Variants in ZNF385D observed in about 807,000 individuals in gnomAD.
ZNF385D encodes the protein zinc finger protein 385D.
ZNF385D carries 15 observed loss-of-function variants against 35.8 expected under a neutral mutation model. The ratio of observed to expected loss-of-function variants is 0.42; its 90% CI spans 0.28 to 0.64. The LOEUF is 0.64. Among genes scored for constraint, ZNF385D ranks in the 30% least tolerant of loss-of-function variants. The pLI is 0.23. For missense variants in ZNF385D, 474 were observed against 494.6 expected (o/e 0.96, Z 0.39); for synonymous variants, 212 against 186.8 (o/e 1.13, Z -1.10).
chr3:21,720,320 G>A (rs1193100526), intron 1 of ZNF385D, among the ~76,000 whole-genome samples: 2 of 152,180 alleles, frequency 1.3e-5, no homozygotes, highest in African/African-American at 2.4e-5. Flanking sequence ...TTGGGAGGCT[G>A]AGGCAGGAGG....
At chr3:21,822,684 G>A (rs879339006) in intron 3 of ZNF385D, among the ~76,000 whole-genome samples, 3 of 152,096 alleles carry the variant, frequency 2.0e-5, no homozygotes, top group East Asian at 1.9e-4. Flanking sequence ...GAAGCCAAAT[G>A]CATAGTTACA....
intron 2 of ZNF385D, among the ~76,000 whole-genome samples, chr3:22,315,023 C>T (rs1397331652): frequency 3.9e-5 from 6 of 152,180 alleles, no homozygotes; most frequent in Admixed American, 3.9e-4. Flanking sequence ...GCAAAGCACT[C>T]ATGATGAAGG....
chr3:21,900,628 A>G (rs1699356715), intron 3 of ZNF385D, among the ~76,000 whole-genome samples: 2 of 152,300 alleles, frequency 1.3e-5, no homozygotes, highest in South Asian at 4.1e-4. Context: ...TTCAGAGAAG[A>G]CAGACTATAG....
chr3:22,331,167 C>T (rs191761103), intron 2 of ZNF385D, among the ~76,000 whole-genome samples: 2 of 152,158 alleles, frequency 1.3e-5, no homozygotes, highest in Non-Finnish European at 2.9e-5. Flanking sequence ...ACAAATACTT[C>T]AATTCCTTTA....
At chr3:21,829,997 G>A (rs1489924862) in intron 3 of ZNF385D, among the ~76,000 whole-genome samples, 2 of 151,954 alleles carry the variant, frequency 1.3e-5, no homozygotes, top group South Asian at 2.1e-4. Flanking sequence ...GATGGCAGGC[G>A]CCTTTAATCC....
chr3:21,612,414 A>C (rs566960789), intron 2 of ZNF385D, among the ~76,000 whole-genome samples: 33 of 152,212 alleles, frequency 2.2e-4, no homozygotes, highest in African/African-American at 7.9e-4. Flanking sequence ...GTCATTATTA[A>C]CTATTCTCAG....
chr3:21,538,163 C>T (rs162414), intron 3 of ZNF385D, among the ~76,000 whole-genome samples: 29,719 of 151,694 alleles, frequency 0.2, 3,192 homozygotes, highest in African/African-American at 0.27. Flanking sequence ...TGAGATGCGG[C>T]CTTTGGTTTT....
upstream of ZNF385D, among the ~76,000 whole-genome samples, chr3:21,755,455 T>G (rs2070298523): frequency 6.6e-6 from 1 of 152,220 alleles, no homozygotes; most frequent in South Asian, 2.1e-4. Context: ...ACCTAAAGTA[T>G]GGCTATAATT....
intron 3 of ZNF385D, among the ~76,000 whole-genome samples, chr3:21,801,401 A>C (rs1024633418): frequency 5.3e-5 from 8 of 152,292 alleles, no homozygotes; most frequent in Non-Finnish European, 1.0e-4. Flanking sequence ...ATAAGTGTTA[A>C]TTATTCTTTT....
intron 3 of ZNF385D, among the ~76,000 whole-genome samples, chr3:22,164,965 C>T (rs375751731): frequency 6.6e-6 from 1 of 152,020 alleles, no homozygotes; most frequent in Non-Finnish European, 1.5e-5. Flanking sequence ...CTGAAAAAGT[C>T]AAAACCATGG....
chr3:21,462,403 T>C (rs1703233784), intron 4 of ZNF385D, among the ~76,000 whole-genome samples: 1 of 152,110 alleles, frequency 6.6e-6, no homozygotes, highest in Non-Finnish European at 1.5e-5. Context: ...CTGGCATAAA[T>C]GATGTTACTT....
At chr3:21,557,342 A>G (rs1308517058) in intron 3 of ZNF385D, among the ~76,000 whole-genome samples, 1 of 152,204 alleles carries the variant, frequency 6.6e-6, no homozygotes, top group East Asian at 1.9e-4. Flanking sequence ...GGTTCCGTCA[A>G]TACCTAATTT....
chr3:21,701,611 C>T (rs560563393), intron 1 of ZNF385D, among the ~76,000 whole-genome samples: 2 of 152,278 alleles, frequency 1.3e-5, no homozygotes, highest in African/African-American at 4.8e-5. Flanking sequence ...CAGCATTAAC[C>T]TAAAAGTCCA....
chr3:22,036,527 A>T (rs1275940195), intron 3 of ZNF385D, among the ~76,000 whole-genome samples: 1 of 152,158 alleles, frequency 6.6e-6, no homozygotes, highest in Non-Finnish European at 1.5e-5. Flanking sequence ...AATGGAAAGA[A>T]ATAGTAGTGA....
At chr3:22,192,973 G>A (rs1447539048) in intron 2 of ZNF385D, among the ~76,000 whole-genome samples, 1 of 152,034 alleles carries the variant, frequency 6.6e-6, no homozygotes, top group African/African-American at 2.4e-5. Context: ...TTTGACAAAG[G>A]TCTATTTAAT....
At chr3:21,828,634 G>A (rs183648688) in intron 3 of ZNF385D, among the ~76,000 whole-genome samples, 46 of 152,256 alleles carry the variant, frequency 3.0e-4, no homozygotes, top group Non-Finnish European at 3.5e-4. Context: ...ATTCAGCAGA[G>A]AACAGAAATA....
intron 2 of ZNF385D, among the ~76,000 whole-genome samples, chr3:22,239,123 A>C (rs1699349362): frequency 6.6e-6 from 1 of 150,988 alleles, no homozygotes; most frequent in Non-Finnish European, 1.5e-5. Flanking sequence ...CTAAGACAAA[A>C]ATATATGATA....
intron 4 of ZNF385D, chr3:21,441,607 C>T: frequency 2.5e-6 from 2 of 796,994 alleles, no homozygotes; most frequent in African/African-American, 1.9e-5. Flanking sequence ...TATCCAAATA[C>T]CATAATGCTA....
At chr3:21,989,870 C>T (rs755270828) in intron 3 of ZNF385D, among the ~76,000 whole-genome samples, 8 of 152,240 alleles carry the variant, frequency 5.3e-5, no homozygotes, top group East Asian at 1.9e-4. Context: ...TATGTCAAGC[C>T]GTTGAGTGAG....
Sources: gnomAD v4.1 joint callset for allele counts (sites outside exome capture counted in the v4.1 genomes callset) on GRCh38, gnomAD v4.1.1 for gene constraint, MANE v1.5 for transcripts, NCBI Gene and HGNC (gene_info 2026-07-23, HGNC 2026-07-21) for gene names.